Variants in ERC1 observed in about 807,000 individuals in gnomAD.
ERC1 encodes the protein ELKS/RAB6-interacting/CAST family member 1.
ERC1 carries 56 observed loss-of-function variants against 132.0 expected under a neutral mutation model. That is an observed-to-expected ratio of 0.42 (90% confidence interval 0.34 to 0.53). ERC1 has a LOEUF of 0.53. Ranked by LOEUF, ERC1 falls within the 20% of genes least tolerant of loss-of-function variation. The pLI is 0.03. For missense variants in ERC1, 1,202 were observed against 1,349.9 expected (o/e 0.89, Z 1.72); for synonymous variants, 478 against 476.1 (o/e 1.00, Z -0.05).
chr12:1,402,120 A>G (rs566372391), intron 16 of ERC1, among the ~76,000 whole-genome samples: 4 of 152,364 alleles, frequency 2.6e-5, no homozygotes, highest in African/African-American at 9.6e-5. Context: ...AAATATTGTA[A>G]AAAAGAGAAA....
intron 7 of ERC1, among the ~76,000 whole-genome samples, chr12:1,135,138 A>G (rs1335037950): frequency 6.6e-6 from 1 of 152,196 alleles, no homozygotes; most frequent in Non-Finnish European, 1.5e-5. Context: ...TCTCTAGAGC[A>G]GGGTACTTGC....
chr12:1,250,914 A>C (rs1288025244), intron 13 of ERC1, among the ~76,000 whole-genome samples: 1 of 152,214 alleles, frequency 6.6e-6, no homozygotes, highest in African/African-American at 2.4e-5. Flanking sequence ...TGGTGCTGTG[A>C]GACAGCTCTC....
At chr12:1,278,814 T>G (rs1231193613) in intron 14 of ERC1, among the ~76,000 whole-genome samples, 1 of 152,142 alleles carries the variant, frequency 6.6e-6, no homozygotes, top group Non-Finnish European at 1.5e-5. Context: ...ATAGAACCCT[T>G]AATAAAAGGT....
At chr12:1,099,115 G>A (rs1444698114) in intron 3 of ERC1, among the ~76,000 whole-genome samples, 1 of 152,172 alleles carries the variant, frequency 6.6e-6, no homozygotes, top group Non-Finnish European at 1.5e-5. Context: ...TTGATGAGTT[G>A]TTTCAATGGA....
chr12:1,125,697 C>G (rs1214948061), intron 7 of ERC1, among the ~76,000 whole-genome samples: 1 of 152,112 alleles, frequency 6.6e-6, no homozygotes, highest in Admixed American at 6.5e-5. Context: ...CACCTGTAAT[C>G]TCAGCTACTC....
chr12:1,054,210 G>A (rs1292768698), intron 2 of ERC1, among the ~76,000 whole-genome samples: 2 of 152,116 alleles, frequency 1.3e-5, no homozygotes, highest in Non-Finnish European at 2.9e-5. Context: ...TCACAATTCT[G>A]GATTCATGAG....
chr12:1,479,896 A>G (rs2094052884), intron 18 of ERC1, among the ~76,000 whole-genome samples: 1 of 152,126 alleles, frequency 6.6e-6, no homozygotes, highest in African/African-American at 2.4e-5. Context: ...TGCCCTTTGC[A>G]CTGAGAGCAG....
At chr12:1,317,515 C>T (rs1490078671) in intron 15 of ERC1, among the ~76,000 whole-genome samples, 2 of 152,062 alleles carry the variant, frequency 1.3e-5, no homozygotes, top group African/African-American at 2.4e-5. Flanking sequence ...CAAACCTGCA[C>T]GTTCTGCACG....
intron 15 of ERC1, among the ~76,000 whole-genome samples, chr12:1,362,189 AT>A (rs1248846549): frequency 1.3e-5 from 2 of 152,212 alleles, no homozygotes; most frequent in East Asian, 3.9e-4. Flanking sequence ...AAAACAAGTC[AT>A]TCACAGAGAT....
chr12:1,390,413 T>C (rs148647321), intron 16 of ERC1, among the ~76,000 whole-genome samples: 19 of 152,282 alleles, frequency 1.2e-4, no homozygotes, highest in African/African-American at 4.1e-4. Context: ...ATCAATACAT[T>C]TAAAAAATAA....
intron 14 of ERC1, among the ~76,000 whole-genome samples, chr12:1,280,367 G>T (rs1239517203): frequency 3.9e-5 from 6 of 152,146 alleles, no homozygotes; most frequent in African/African-American, 1.4e-4. Flanking sequence ...GTTTTTGTGT[G>T]TGTCATGTCC....
chr12:1,321,975 A>G (rs1170017803), intron 15 of ERC1, among the ~76,000 whole-genome samples: 1 of 152,160 alleles, frequency 6.6e-6, no homozygotes, highest in Admixed American at 6.5e-5. Flanking sequence ...TAGAGATGAA[A>G]AGCTTTCCAT....
intron 4 of ERC1, among the ~76,000 whole-genome samples, chr12:1,105,954 A>C (rs1284317898): frequency 2.0e-5 from 3 of 152,194 alleles, no homozygotes; most frequent in Non-Finnish European, 2.9e-5. Flanking sequence ...GAAAGGGTTG[A>C]GGGTACCCTG....
At chr12:1,178,005 G>A (rs749953625) in intron 8 of ERC1, among the ~76,000 whole-genome samples, 1 of 152,104 alleles carries the variant, frequency 6.6e-6, no homozygotes, top group Non-Finnish European at 1.5e-5. Flanking sequence ...TTCCATCTCG[G>A]ATGAACTCAG....
chr12:1,367,803 A>G (rs780253417), intron 15 of ERC1, among the ~76,000 whole-genome samples: 86 of 152,238 alleles, frequency 5.6e-4, no homozygotes, highest in Middle Eastern at 3.4e-3. Context: ...CTGGTAGTTT[A>G]AAGCACCAGG....
At chr12:1,435,448 C>A (rs539747010) in intron 17 of ERC1, among the ~76,000 whole-genome samples, 2 of 152,246 alleles carry the variant, frequency 1.3e-5, no homozygotes, top group African/African-American at 4.8e-5. Context: ...CCCTGAAAAA[C>A]CAGCTTTATT....
chr12:1,307,848 AGAACT>A (rs2080997167), intron 15 of ERC1, among the ~76,000 whole-genome samples: 1 of 152,256 alleles, frequency 6.6e-6, no homozygotes. Context: ...TTCATTGACT[AGAACT>A]GAACTGAACT....
intron 17 of ERC1, among the ~76,000 whole-genome samples, chr12:1,438,954 A>AAAAAAAAAATATATATATATATATATAT (rs1015181197): frequency 3.7e-4 from 53 of 143,528 alleles, no homozygotes; most frequent in African/African-American, 7.6e-4. Context: ...TTTAAAAAAA[A>AAAAAAAAAATATATATATATATATATAT]ATATATATAT....
At chr12:1,472,666 G>A (rs77642009) in intron 18 of ERC1, among the ~76,000 whole-genome samples, 1 of 135,542 alleles carries the variant, frequency 7.4e-6, no homozygotes, top group African/African-American at 3.1e-5. Context: ...AAAAAAAAAA[G>A]AGAAGAGAAA....
Sources: gnomAD v4.1 joint callset for allele counts (sites outside exome capture counted in the v4.1 genomes callset) on GRCh38, gnomAD v4.1.1 for gene constraint, MANE v1.5 for transcripts, NCBI Gene and HGNC (gene_info 2026-07-23, HGNC 2026-07-21) for gene names.